Variants in IFT74 observed in about 807,000 individuals in gnomAD.
IFT74 encodes intraflagellar transport protein 74 homolog.
In IFT74, 92 loss-of-function variants were observed where a neutral mutation model predicts 96.7. The observed-to-expected ratio is 0.95, with a 90% CI of 0.80 to 1.13. The LOEUF (loss-of-function observed/expected upper bound fraction) is 1.13, where lower values mean the gene tolerates loss of function less well. Among genes scored for constraint, IFT74 ranks in the 50% most tolerant of loss-of-function variants. The pLI is 0.00. For missense variants in IFT74, 811 were observed against 698.2 expected, an observed-to-expected ratio of 1.16 and a Z score of -1.82; for synonymous variants, 223 against 213.2, an observed-to-expected ratio of 1.05 and a Z score of -0.40.
Position 26,962,046 on chromosome 9 carries a change from G to T in IFT74, c.79G>T (p.Gly27Trp), listed in dbSNP as rs1325267056. The T allele has an allele frequency of 1.9e-6, 3 of 1,614,154 alleles. No individual in the cohort carries two copies. Among genetic ancestry groups the T allele is most frequent in the Non-Finnish European group, 2.5e-6 (3 of 1,180,002 alleles). ...GVGLTGRPPS[G>W]IRPLSGNIRV... ...TGGGTTAACAGGAAGGCCTCCTTCT[G>T]GGATACGACCCCTATCAGGAAATAT... The change falls in exon 2 of 20, where the codon GGG becomes TGG. Residue 27 changes from glycine (G) to tryptophan (W), a missense_variant. Coordinates refer to ENST00000380062, the MANE Select transcript of IFT74 (RefSeq NM_025103.4).
intron 6 of IFT74, 117 bp downstream of exon 6, chr9:26,984,676 A>C (rs149434884): frequency 2.8e-6 from 2 of 707,918 alleles, no homozygotes; most frequent in Non-Finnish European, 4.7e-6. Context: ...AAGAAGACAA[A>C]CATGCAGCCA....
chr9:27,016,905 A>T lies in IFT74; in HGVS notation c.790-2A>T. 1 of 1,588,896 alleles carries T rather than the reference A, an allele frequency of 6.3e-7. No individual in the cohort carries two copies. Among genetic ancestry groups the T allele is most frequent in the African/African-American group, 1.4e-5 (1 of 73,782 alleles). ...AAACTTTCCCTTCTTATTTTCCTTT[A>T]GGAAATAGCTCACTCCCAGGTGAAA... On this transcript the variant is annotated splice_acceptor_variant, in intron 10 of 19. Transcript: ENST00000380062. LOFTEE classifies it high-confidence loss of function.
At chr9:26,959,938 T>G (rs1826281169) in intron 1 of IFT74, among the ~76,000 whole-genome samples, 1 of 152,170 alleles carries the variant, frequency 6.6e-6, no homozygotes, top group Non-Finnish European at 1.5e-5. Flanking sequence ...TCAGATTGGA[T>G]GTAGAGAAGG....
chr9:27,011,880 A>T, intron 9 of IFT74, 26 bp from the exon 10 acceptor site: 3 of 1,482,336 alleles, frequency 2.0e-6, no homozygotes, highest in Non-Finnish European at 2.7e-6. Context: ...ATTTGGATTT[A>T]TGTTTGCTTT....
At chr9:27,023,210 T>A (rs1829698558) in intron 12 of IFT74, among the ~76,000 whole-genome samples, 1 of 152,156 alleles carries the variant, frequency 6.6e-6, no homozygotes, top group African/African-American at 2.4e-5. Flanking sequence ...ATAGAAGTGG[T>A]GAGAGTGGGC....
At chr9:26,970,509 G>C (rs1186998229) in intron 2 of IFT74, among the ~76,000 whole-genome samples, 1 of 152,144 alleles carries the variant, frequency 6.6e-6, no homozygotes, top group Non-Finnish European at 1.5e-5. Context: ...TTTTTAATGT[G>C]TACAGTTTTA....
chr9:26,948,448 ATTTT>A (rs71841244), intron 1 of IFT74, among the ~76,000 whole-genome samples: 62 of 59,098 alleles, frequency 1.0e-3, no homozygotes, highest in Non-Finnish European at 1.6e-3. Flanking sequence ...GCTTTCCATT[ATTTT>A]TTTTTTTTTT....
intron 1 of IFT74, among the ~76,000 whole-genome samples, chr9:26,948,272 T>C (rs1287811378): frequency 1.3e-5 from 2 of 152,112 alleles, no homozygotes; most frequent in African/African-American, 4.8e-5. Context: ...GATCTGTATT[T>C]CTAGCTATCT....
In IFT74 at chr9:26,985,486, A is replaced by T. The variant is rs139698861; in HGVS notation, c.465+927A>T. The stretch of plus-strand genomic sequence containing the variant: ...AAAAACAATAAAACATTTGATGAAA[A>T]AATATATTTATTAATTTATTATTTA... On this transcript the variant is annotated intron_variant, in intron 6 of 19. Transcript: ENST00000380062. 2.5e-3 allele frequency among the ~76,000 whole-genome samples: 379 copies of T among 152,284 alleles called. 11 individuals are homozygous for T. In the East Asian group the frequency reaches 0.056, roughly 23 times the overall value.
chr9:27,005,553 AT>A (rs967211104), intron 8 of IFT74: 57 of 151,986 alleles, frequency 3.8e-4, no homozygotes, highest in African/African-American at 1.4e-3. Flanking sequence ...ATTAAAAAAA[AT>A]ACAACAATAA....
At chr9:26,981,956 G>A (rs1424176817) in intron 4 of IFT74, among the ~76,000 whole-genome samples, 1 of 151,012 alleles carries the variant, frequency 6.6e-6, no homozygotes, top group Non-Finnish European at 1.5e-5. Flanking sequence ...TTTAGTAGAG[G>A]TGGGCTTTCA....
intron 2 of IFT74, among the ~76,000 whole-genome samples, chr9:26,973,431 G>A (rs1826964680): frequency 6.6e-6 from 1 of 152,118 alleles, no homozygotes; most frequent in East Asian, 1.9e-4. Flanking sequence ...TCCTTACTAT[G>A]TCCCCAGGAG....
chr9:27,061,472 G>A (rs1438748453), intron 19 of IFT74, among the ~76,000 whole-genome samples: 4 of 151,846 alleles, frequency 2.6e-5, no homozygotes, highest in Non-Finnish European at 5.9e-5. Context: ...TTAGAGACAG[G>A]GGTCTCGCCA....
At chr9:26,978,057 G>C in intron 2 of IFT74, 71 bp from the exon 3 acceptor site, 1 of 1,349,486 alleles carries the variant, frequency 7.4e-7, no homozygotes, top group Non-Finnish European at 1.0e-6. Context: ...AATTGTCTTT[G>C]CAGTTTTACA....
chr9:26,949,902 C>CA (rs1825878018), intron 1 of IFT74, among the ~76,000 whole-genome samples: 1 of 152,160 alleles, frequency 6.6e-6, no homozygotes, highest in Non-Finnish European at 1.5e-5. Flanking sequence ...AAAAATATCT[C>CA]AAAGACCAGT....
At chr9:26,995,437 T>A in intron 8 of IFT74, 1 of 757,298 alleles carries the variant, frequency 1.3e-6, no homozygotes, top group Non-Finnish European at 2.1e-6. Flanking sequence ...GCCAGCTGTA[T>A]TTTGTTATGT....
At chr9:26,974,385 G>A (rs192515124) in intron 2 of IFT74, among the ~76,000 whole-genome samples, 4 of 152,120 alleles carry the variant, frequency 2.6e-5, no homozygotes, top group African/African-American at 9.6e-5. Context: ...AAACATACCC[G>A]GCCCAAGGGG....
At chr9:27,020,152 A>C (rs919315335) in intron 12 of IFT74, among the ~76,000 whole-genome samples, 1 of 151,742 alleles carries the variant, frequency 6.6e-6, no homozygotes, top group Non-Finnish European at 1.5e-5. Flanking sequence ...AGATTGTTTT[A>C]ATTTTAATCA....
intron 2 of IFT74, among the ~76,000 whole-genome samples, chr9:26,963,167 T>C (rs1370038425): frequency 6.6e-6 from 1 of 151,808 alleles, no homozygotes; most frequent in Non-Finnish European, 1.5e-5. Context: ...GTCCATGTGA[T>C]CTCATTGTTC....
Sources: gnomAD v4.1 joint callset for allele counts (sites outside exome capture counted in the v4.1 genomes callset) on GRCh38, gnomAD v4.1.1 for gene constraint, MANE v1.5 for transcripts, NCBI Gene and HGNC (gene_info 2026-07-23, HGNC 2026-07-21) for gene names.